Variants in TBC1D4 observed in about 807,000 individuals in gnomAD.
TBC1D4 encodes TBC (Tre-2, BUB2, CDC16) domain-containing protein.
TBC1D4 carries 121 observed loss-of-function variants against 142.5 expected under a neutral mutation model. The ratio of observed to expected loss-of-function variants is 0.85; its 90% confidence interval spans 0.73 to 0.99. The LOEUF (loss-of-function observed/expected upper bound fraction) is 0.99, where lower values mean the gene tolerates loss of function less well. TBC1D4 is among the 50% of genes least tolerant of loss of function. TBC1D4 has a pLI of 0.00. For synonymous variants in TBC1D4, 630 were observed against 628.2 expected (o/e 1.00, Z -0.04); for missense variants, 1,475 against 1,606.6 (o/e 0.92, Z 1.40).
At chr13:75,396,885 T>C (rs1452284354) in intron 1 of TBC1D4, among the ~76,000 whole-genome samples, 1 of 151,780 alleles carries the variant, frequency 6.6e-6, no homozygotes, top group African/African-American at 2.4e-5. Flanking sequence ...AATTCAGAGA[T>C]TTTACACATA....
chr13:75,304,713 G>T (rs374105053), intron 15 of TBC1D4, among the ~76,000 whole-genome samples: 2 of 152,134 alleles, frequency 1.3e-5, no homozygotes, highest in African/African-American at 4.8e-5. Flanking sequence ...GCCCTGAGAC[G>T]GGCAGAGGAA....
chr13:75,354,128 C>A (rs922882807), intron 4 of TBC1D4, among the ~76,000 whole-genome samples: 1 of 152,148 alleles, frequency 6.6e-6, no homozygotes, highest in African/African-American at 2.4e-5. Flanking sequence ...GTAAGACGAA[C>A]GACATATGTG....
intron 1 of TBC1D4, among the ~76,000 whole-genome samples, chr13:75,411,697 ATTTTT>A (rs111821777): frequency 6.8e-6 from 1 of 147,604 alleles, no homozygotes; most frequent in Non-Finnish European, 1.5e-5. Flanking sequence ...CTAATTTTTT[ATTTTT>A]TTTTTTTTTC....
At chr13:75,336,133 T>C (rs767784631) in intron 8 of TBC1D4, among the ~76,000 whole-genome samples, 24 of 152,180 alleles carry the variant, frequency 1.6e-4, no homozygotes, top group Non-Finnish European at 2.6e-4. Flanking sequence ...GTGCGGTGGC[T>C]CACACCTGTA....
chr13:75,400,844 T>C (rs545937175), intron 1 of TBC1D4, among the ~76,000 whole-genome samples: 30 of 152,138 alleles, frequency 2.0e-4, no homozygotes, highest in Admixed American at 2.0e-4. Flanking sequence ...ACACAAAGCT[T>C]TCCCCCATAT....
chr13:75,478,926 G>A (rs2138356211), intron 1 of TBC1D4, among the ~76,000 whole-genome samples: 1 of 152,326 alleles, frequency 6.6e-6, no homozygotes, highest in Non-Finnish European at 1.5e-5. Flanking sequence ...TCTCAGATGT[G>A]TATTGTTTGG....
chr13:75,464,188 C>T (rs1168135353), intron 1 of TBC1D4, among the ~76,000 whole-genome samples: 1 of 152,156 alleles, frequency 6.6e-6, no homozygotes. Context: ...CTGTTGGGAA[C>T]AGGCTCCCAA....
At chr13:75,464,032 C>G (rs1244682796) in intron 1 of TBC1D4, among the ~76,000 whole-genome samples, 1 of 152,220 alleles carries the variant, frequency 6.6e-6, no homozygotes, top group East Asian at 1.9e-4. Context: ...TGTCAGAATT[C>G]AGGTACAGTT....
chr13:75,433,347 GT>G (rs1340408672), intron 1 of TBC1D4, among the ~76,000 whole-genome samples: 3 of 152,064 alleles, frequency 2.0e-5, no homozygotes, highest in South Asian at 2.1e-4. Flanking sequence ...GAAGTAGAGT[GT>G]TTTTTTAAGG....
intron 18 of TBC1D4, 138 bp from the exon 19 acceptor site, chr13:75,292,409 T>A: frequency 1.5e-6 from 1 of 686,180 alleles, no homozygotes; most frequent in Non-Finnish European, 2.4e-6. Context: ...ATCTAGCTTT[T>A]TTTTAAAAAA....
chr13:75,405,350 A>G (rs1300263093), intron 1 of TBC1D4, among the ~76,000 whole-genome samples: 2 of 148,632 alleles, frequency 1.3e-5, no homozygotes, highest in Non-Finnish European at 3.0e-5. Flanking sequence ...GCTCACTGCA[A>G]CCTCCGCCTC....
chr13:75,462,807 C>T (rs1178549426), intron 1 of TBC1D4, among the ~76,000 whole-genome samples: 1 of 152,080 alleles, frequency 6.6e-6, no homozygotes, highest in African/African-American at 2.4e-5. Context: ...TGGCTCATCA[C>T]CATCACAGAT....
chr13:75,395,587 T>C (rs922206881), intron 1 of TBC1D4, among the ~76,000 whole-genome samples: 4 of 152,080 alleles, frequency 2.6e-5, no homozygotes, highest in Admixed American at 6.5e-5. Flanking sequence ...TCCCAGCACG[T>C]TGGAAGGACG....
At chr13:75,450,402 A>G (rs181365620) in intron 1 of TBC1D4, among the ~76,000 whole-genome samples, 17 of 152,308 alleles carry the variant, frequency 1.1e-4, no homozygotes, top group Admixed American at 9.8e-4. Flanking sequence ...GCCCTTTAGT[A>G]TTAAGTCTTT....
chr13:75,355,566 A>G (rs1881974435), intron 4 of TBC1D4, among the ~76,000 whole-genome samples: 1 of 152,206 alleles, frequency 6.6e-6, no homozygotes, highest in Admixed American at 6.5e-5. Context: ...CTTCACAGCA[A>G]TGAAGGGGGG....
intron 1 of TBC1D4, among the ~76,000 whole-genome samples, chr13:75,396,017 C>G (rs1884779541): frequency 6.6e-6 from 1 of 152,118 alleles, no homozygotes; most frequent in African/African-American, 2.4e-5. Context: ...AACAAAGTCC[C>G]TCGTTTTTCT....
intron 1 of TBC1D4, among the ~76,000 whole-genome samples, chr13:75,389,293 C>A (rs566331267): frequency 6.6e-6 from 1 of 152,258 alleles, no homozygotes; most frequent in East Asian, 1.9e-4. Flanking sequence ...AATGAGCTAA[C>A]CTGTAGCCAA....
At chr13:75,338,418 T>A (rs943636209) in intron 7 of TBC1D4, among the ~76,000 whole-genome samples, 1 of 152,116 alleles carries the variant, frequency 6.6e-6, no homozygotes, top group African/African-American at 2.4e-5. Flanking sequence ...GTATGGGCAC[T>A]TAGCAAATAT....
intron 1 of TBC1D4, among the ~76,000 whole-genome samples, chr13:75,430,132 T>C (rs1188800460): frequency 1.3e-5 from 2 of 152,194 alleles, no homozygotes; most frequent in Non-Finnish European, 2.9e-5. Flanking sequence ...GTTGAGAATA[T>C]GAGTTTACAT....
Sources: allele counts gnomAD v4.1 joint callset (sites outside exome capture counted in the v4.1 genomes callset), GRCh38; gene constraint gnomAD v4.1.1; transcripts MANE v1.5; gene names NCBI Gene and HGNC (gene_info 2026-07-23, HGNC 2026-07-21).